PTN: variants seen among roughly 807,000 people sequenced by gnomAD.
The protein encoded by PTN is heparin affin regulatory protein.
A neutral mutation model predicts 24.1 loss-of-function variants in PTN; 18 were observed. The observed-to-expected ratio is 0.75, with a 90% CI of 0.52 to 1.11. PTN has a LOEUF of 1.11. Ranked by LOEUF, PTN falls within the 50% of genes least tolerant of loss-of-function variation. The pLI, the probability that PTN is intolerant of heterozygous loss-of-function variation, is 0.00. For missense variants in PTN, 163 were observed against 198.8 expected (o/e 0.82, Z 1.08); for synonymous variants, 78 against 68.6 (o/e 1.14, Z -0.67).
At chr7:137,322,092 C>T (rs1314991427) in intron 1 of PTN, among the ~76,000 whole-genome samples, 1 of 152,160 alleles carries the variant, frequency 6.6e-6, no homozygotes, top group Non-Finnish European at 1.5e-5. Context: ...CGTACGTAGA[C>T]TCATTTTCTA....
chr7:137,278,327 AAAAAAAAAAAAT>A lies in PTN; in HGVS notation c.-1-23365_-1-23354del, dbSNP rs1809404391. The stretch of plus-strand genomic sequence containing the variant: ...GTCTCAAAAAAAAAAAAAAAAAAAA[AAAAAAAAAAAAT>A]GACTACTAATCAAAAAGCCAGATTG... On this transcript the variant is annotated intron_variant, in intron 1 of 4. Transcript: ENST00000348225. Among the ~76,000 whole-genome samples, 8 of 149,812 alleles carry A rather than the reference AAAAAAAAAAAAT, an allele frequency of 5.3e-5. 1 individual carries two copies. The highest frequency in any genetic ancestry group is 1.3e-4 in the Admixed American group (2 of 15,088).
chr7:137,231,107 T>C (rs192215042), intron 4 of PTN, among the ~76,000 whole-genome samples: 4 of 152,048 alleles, frequency 2.6e-5, no homozygotes, highest in African/African-American at 9.6e-5. Flanking sequence ...TCTAGCATTG[T>C]AACTGCCACC....
chr7:137,263,525 G>A (rs1809080762), intron 1 of PTN, among the ~76,000 whole-genome samples: 1 of 152,148 alleles, frequency 6.6e-6, no homozygotes. Context: ...TATTAGTGAT[G>A]ATTTCTAGAA....
chr7:137,240,261 G>A (rs547043631), intron 4 of PTN, among the ~76,000 whole-genome samples: 20 of 152,098 alleles, frequency 1.3e-4, no homozygotes, highest in Non-Finnish European at 2.8e-4. Flanking sequence ...GGAAGGAACC[G>A]TGTTTGTCTA....
At chr7:137,319,855 C>A (rs1259436438) in intron 1 of PTN, among the ~76,000 whole-genome samples, 3 of 152,118 alleles carry the variant, frequency 2.0e-5, no homozygotes, top group Non-Finnish European at 4.4e-5. Flanking sequence ...ATTCAAGTAG[C>A]TTATAGTGTA....
chr7:137,323,785 C>T (rs906800669), intron 1 of PTN, among the ~76,000 whole-genome samples: 1 of 152,132 alleles, frequency 6.6e-6, no homozygotes, highest in Non-Finnish European at 1.5e-5. Flanking sequence ...AGATTGCTGG[C>T]CCTACCCTCA....
intron 1 of PTN, among the ~76,000 whole-genome samples, chr7:137,308,765 A>G (rs1809930494): frequency 6.6e-6 from 1 of 152,164 alleles, no homozygotes; most frequent in African/African-American, 2.4e-5. Context: ...CCTGGGGCAT[A>G]AACACTATTC....
chr7:137,261,474 G>A (rs2128872613), intron 1 of PTN, among the ~76,000 whole-genome samples: 1 of 152,082 alleles, frequency 6.6e-6, no homozygotes, highest in Middle Eastern at 3.4e-3. Context: ...ATCTCCTTTT[G>A]GCTCTCATTT....
intron 2 of PTN, among the ~76,000 whole-genome samples, chr7:137,254,123 C>G (rs549072112): frequency 4.6e-5 from 7 of 151,944 alleles, no homozygotes; most frequent in Non-Finnish European, 5.9e-5. Flanking sequence ...CATGGTGAAA[C>G]CCCAACTCTA....
intron 1 of PTN, among the ~76,000 whole-genome samples, chr7:137,307,313 G>C (rs1809905503): frequency 6.6e-6 from 1 of 151,994 alleles, no homozygotes; most frequent in Admixed American, 6.6e-5. Context: ...AACTCAGAAA[G>C]GTACCTATTC....
At chr7:137,285,675 TA>T (rs542878640) in intron 1 of PTN, among the ~76,000 whole-genome samples, 1 of 151,828 alleles carries the variant, frequency 6.6e-6, no homozygotes, top group East Asian at 1.9e-4. Context: ...ACCTCAAAAA[TA>T]AAAAAAATAA....
At chr7:137,318,030 G>A (rs1425548912) in intron 1 of PTN, among the ~76,000 whole-genome samples, 1 of 152,190 alleles carries the variant, frequency 6.6e-6, no homozygotes, top group Admixed American at 6.5e-5. Context: ...ACTTTGGGAG[G>A]CCAAGGTGGG....
chr7:137,315,512 A>C (rs13438618), intron 1 of PTN, among the ~76,000 whole-genome samples: 2,489 of 152,324 alleles, frequency 0.016, 68 homozygotes, highest in African/African-American at 0.057. Context: ...AGAATTACAA[A>C]TTAAGTTGAA....
intron 4 of PTN, chr7:137,236,059 G>C (rs1808515131): frequency 1.6e-6 from 1 of 642,516 alleles, no homozygotes; most frequent in African/African-American, 1.8e-5. Context: ...AGAAGGTTTA[G>C]TGAAGATGAA....
At chr7:137,266,363 A>G (rs552959449) in intron 1 of PTN, among the ~76,000 whole-genome samples, 8 of 152,318 alleles carry the variant, frequency 5.3e-5, no homozygotes, top group South Asian at 2.1e-4. Context: ...TACCAAAGGT[A>G]TATTTAACTT....
intron 1 of PTN, among the ~76,000 whole-genome samples, chr7:137,328,516 T>G (rs1336842768): frequency 6.6e-6 from 1 of 152,116 alleles, no homozygotes; most frequent in Non-Finnish European, 1.5e-5. Context: ...TGGTCCCTAT[T>G]GTATGTTCAG....
Position 137,280,792 on chromosome 7 carries a change from A to C in PTN, c.-1-25818T>G, listed in dbSNP as rs76198054. The stretch of plus-strand genomic sequence containing the variant: ...GAGGCTGAGGCCCAAGAATTGGTTA[A>C]ACCTGGGAGGCAGAGGCTGCAGTGA... On this transcript the variant is annotated intron_variant, in intron 1 of 4. Coordinates refer to ENST00000348225, the MANE Select transcript of PTN (RefSeq NM_002825.7). Among the ~76,000 whole-genome samples the C allele has an allele frequency of 1.5e-3, 221 of 149,650 alleles. 3 individuals carry two copies. In the East Asian group the frequency reaches 0.034, roughly 23 times the overall value.
At chr7:137,297,563 G>A (rs893993861) in intron 1 of PTN, among the ~76,000 whole-genome samples, 6 of 151,962 alleles carry the variant, frequency 3.9e-5, no homozygotes, top group Non-Finnish European at 8.8e-5. Context: ...AACTAGAAGG[G>A]GTCATTGTCA....
chr7:137,343,345 C>A (rs1202201131), intron 1 of PTN, 94 bp downstream of exon 1: 3 of 399,140 alleles, frequency 7.5e-6, no homozygotes, highest in African/African-American at 6.2e-5. Context: ...TCACCCCTAC[C>A]ACCATCATCT....
Sources: gnomAD v4.1 joint callset for allele counts (sites outside exome capture counted in the v4.1 genomes callset) on GRCh38, gnomAD v4.1.1 for gene constraint, MANE v1.5 for transcripts, NCBI Gene and HGNC (gene_info 2026-07-23, HGNC 2026-07-21) for gene names.